The following ARHGEF19 variants were observed in gnomAD, a reference collection of about 807,000 sequenced individuals.
ARHGEF19 encodes the protein Rho guanine nucleotide exchange factor (GEF) 19.
A neutral mutation model predicts 87.6 loss-of-function variants in ARHGEF19; 92 were observed. The observed-to-expected ratio is 1.05, with a 90% CI of 0.89 to 1.25. The LOEUF (loss-of-function observed/expected upper bound fraction) is 1.25, where lower values mean the gene tolerates loss of function less well. Among genes scored for constraint, ARHGEF19 ranks in the 50% most tolerant of loss-of-function variants. ARHGEF19 has a pLI of 0.00. For missense variants in ARHGEF19, 1,054 were observed against 1,051.8 expected (o/e 1.00, Z -0.03); for synonymous variants, 438 against 446.2 (o/e 0.98, Z 0.23).
chr1:16,204,350 G>C lies in ARHGEF19; in HGVS notation c.1907+409C>G, dbSNP rs146070188. On this transcript the variant is annotated intron_variant, in intron 12 of 15. Coordinates refer to ENST00000270747, the MANE Select transcript of ARHGEF19 (RefSeq NM_153213.5). ...TCCATGATCTGAGAGTAACAGAGAA[G>C]CCTATTTCCCAGGGAGGTATTTGGA... 3.9e-5 allele frequency among the ~76,000 whole-genome samples: 6 copies of C among 152,356 alleles called. No individual in the cohort carries two copies. In the South Asian group the frequency reaches 8.3e-4, roughly 21 times the overall value.
Position 16,207,858 on chromosome 1 carries a change from CTCAG to C in ARHGEF19, c.694+82_695-82del, listed in dbSNP as rs1263819116. The C allele has an allele frequency of 1.1e-3, 1,740 of 1,585,972 alleles. 19 individuals are homozygous for C. The African/African-American group carries it at 0.021, about 20-fold the overall frequency. On this transcript the variant is annotated intron_variant, in intron 3 of 15. Transcript: ENST00000270747. This position sits in a 1 kb window ranked among gnomAD's most constrained non-coding sequence, Gnocchi z 4.0. ...GCCCCGGCCCAGGCACCCTGACGGC[CTCAG>C]GCGGCCGGTGAGTGGGCATCGCCCA... is the stretch of plus-strand genomic sequence containing the variant.
intron 1 of ARHGEF19, among the ~76,000 whole-genome samples, chr1:16,210,345 C>A (rs973631363): frequency 6.6e-6 from 1 of 152,170 alleles, no homozygotes; most frequent in Non-Finnish European, 1.5e-5. Flanking sequence ...TGTGGGCAGG[C>A]CGGGCAGCCA....
intron 13 of ARHGEF19, 58 bp from the exon 14 acceptor site, chr1:16,201,919 G>A: frequency 1.3e-6 from 2 of 1,575,870 alleles, no homozygotes; most frequent in Admixed American, 3.5e-5. Context: ...CCCAGGGCAG[G>A]GTGCTGAAAC....
chr1:16,203,101 G>A lies in ARHGEF19; in HGVS notation c.1908-527C>T, dbSNP rs372492568. Among the ~76,000 whole-genome samples the A allele has an allele frequency of 9.2e-5, 14 of 152,194 alleles. No homozygotes were observed. The East Asian group carries it at 1.2e-3, about 13-fold the overall frequency. On this transcript the variant is annotated intron_variant, in intron 12 of 15. Transcript: ENST00000270747. ...ATAAGCCCCACGAAGGCTGAGCCTC[G>A]TCTCTTTGCCACTGTATCTCAGTGT...
chr1:16,201,679 C>CT, intron 14 of ARHGEF19, 103 bp downstream of exon 14: 2 of 1,303,380 alleles, frequency 1.5e-6, no homozygotes. Context: ...AAGTTGGTCT[C>CT]TCTCCCCATA....
Position 16,206,989 on chromosome 1 carries a change from C to G in ARHGEF19, c.1096G>C (p.Val366Leu). The change falls in exon 6 of 16, where the codon GTC (valine) becomes CTC (leucine). Residue 366 changes from valine to leucine, a missense_variant. Coordinates refer to ENST00000270747, the MANE Select transcript of ARHGEF19 (RefSeq NM_153213.5). The surrounding 1 kb of genome is among the most constrained non-coding windows in gnomAD (Gnocchi z 4.6). ...TCCCGCAGGCTCAGCGTGGCCAGGA[C>G]GCCGCTGCCGCGTACGTCGGGGATA... ...QDIPDVRGSG[V>L]LATLSLRDCK... The G allele has an allele frequency of 1.3e-6, 2 of 1,514,536 alleles. No homozygotes were observed. The highest frequency in any genetic ancestry group is 1.8e-6 in the Non-Finnish European group (2 of 1,135,542). The allele number at this position is 1,514,536 out of a possible 1,614,324, so 93.8% of individuals were successfully genotyped here. A position where few individuals can be genotyped will look rare whatever the true frequency, so the allele number is the denominator to read the frequency against.
rs1414201752 is a variant in ARHGEF19 at position 16,206,904 on chromosome 1, T to G, written c.1137+44A>C. The stretch of plus-strand genomic sequence containing the variant: ...CCCGCTAAGTCCCCGGACCGCGTAC[T>G]CCCCGGCCCGCCCCCGCCCCGCCGG... On this transcript the variant is annotated intron_variant, in intron 6 of 15. Coordinates refer to ENST00000270747, the MANE Select transcript of ARHGEF19 (RefSeq NM_153213.5). This position sits in a 1 kb window ranked among gnomAD's most constrained non-coding sequence, Gnocchi z 4.6. 1 of 1,406,744 alleles carries G rather than the reference T, an allele frequency of 7.1e-7. No individual in the cohort carries two copies. The highest frequency in any genetic ancestry group is 3.3e-5 in the Admixed American group (1 of 30,412). The allele number at this position is 1,406,744 out of a possible 1,614,324, so 87.1% of individuals were successfully genotyped here. A position where few individuals can be genotyped will look rare whatever the true frequency, so the allele number is the denominator to read the frequency against.
chr1:16,211,780 G>GA (rs1553144033), intron 1 of ARHGEF19, among the ~76,000 whole-genome samples: 2 of 152,142 alleles, frequency 1.3e-5, no homozygotes, highest in African/African-American at 2.4e-5. Context: ...ATCTCTGTTA[G>GA]AAAAAAACAA....
chr1:16,209,238 C>T (rs1251086406), intron 1 of ARHGEF19, among the ~76,000 whole-genome samples, 155 bp from the exon 2 acceptor site: 1 of 152,234 alleles, frequency 6.6e-6, no homozygotes, highest in African/African-American at 2.4e-5. Flanking sequence ...ATAGCTGATA[C>T]TTGCTTGGCA....
intron 1 of ARHGEF19, among the ~76,000 whole-genome samples, chr1:16,211,567 C>T (rs1557544559): frequency 2.6e-5 from 4 of 151,278 alleles, no homozygotes; most frequent in South Asian, 2.1e-4. Context: ...GAAGGCTTCC[C>T]GGGGAGATGA....
chr1:16,207,057 G>T lies in ARHGEF19; in HGVS notation c.1028C>A (p.Ala343Glu), dbSNP rs760662303. Residue 343 changes from alanine to glutamate, a missense_variant, in exon 6 of 16, where the codon GCG becomes GAG. Coordinates refer to ENST00000270747, the MANE Select transcript of ARHGEF19 (RefSeq NM_153213.5). The surrounding 1 kb of genome is among the most constrained non-coding windows in gnomAD (Gnocchi z 4.0). ...GGTGGAGCCTCGCGCCGAGCGCTGC[G>T]CCCGGAAGGAGCTGCTGGGGGAGAG... ...ANLSPSSSFR[A>E]QRSARGSTFS... 7.3e-6 allele frequency: 11 copies of T among 1,507,012 alleles called. No homozygotes were observed. The highest frequency in any genetic ancestry group is 6.3e-5 in the South Asian group (5 of 79,722). The allele number at this position is 1,507,012 out of a possible 1,614,324, so 93.4% of individuals were successfully genotyped here.
At position 16,208,831 on chromosome 1, in the gene ARHGEF19, C is replaced by T; in HGVS notation, c.224G>A (p.Gly75Glu). Residue 75 changes from glycine to glutamate, a missense_variant, in exon 2 of 16, where the codon GGG (glycine) becomes GAG (glutamate). Transcript: ENST00000270747. Reference sequence around the variant, plus strand: ...TCCTGGGGATAATGGCCATAGCAACCCTTGGAGAGGGGCAGGGGTCCCCAG... The same window carrying T: ...TCCTGGGGATAATGGCCATAGCAACTCTTGGAGAGGGGCAGGGGTCCCCAG... The part of the protein sequence containing the change: ...WSLGTPAPLQ[G>E]LLWPLSPGGS... The T allele has an allele frequency of 6.2e-7, 1 of 1,612,114 alleles. No homozygotes were observed. The highest frequency in any genetic ancestry group is 1.1e-5 in the South Asian group (1 of 90,912).
chr1:16,208,501 C>A, intron 2 of ARHGEF19, 142 bp downstream of exon 2: 3 of 1,178,210 alleles, frequency 2.5e-6, no homozygotes, highest in Non-Finnish European at 3.5e-6. Context: ...CTTCCCTGAG[C>A]CCCACTAGTT....
Position 16,207,578 on chromosome 1 carries a change from G to A in ARHGEF19, c.818C>T (p.Pro273Leu). 2 of 1,613,952 alleles carry A rather than the reference G, an allele frequency of 1.2e-6. No homozygotes were observed. The highest frequency in any genetic ancestry group is 1.7e-6 in the Non-Finnish European group (2 of 1,179,982). Residue 273 changes from proline (P) to leucine (L), a missense_variant, in exon 5 of 16, where the codon CCG (proline) becomes CTG (leucine). By Grantham distance (98) the Pro-to-Leu change is moderately conservative. Coordinates refer to ENST00000270747, the MANE Select transcript of ARHGEF19 (RefSeq NM_153213.5). This position sits in a 1 kb window ranked among gnomAD's most constrained non-coding sequence, Gnocchi z 4.0. ...GTTGGTGCTCCTGGACCCCAAAGGC[G>A]GCTCTTCCTGTGTGTCTAGCCTAGG... ...SEPRLDTQEE[P>L]PLGSRSTNER...
rs748570233 is a variant in ARHGEF19, at chr1:16,199,166, C to A, written c.2235G>T (p.Arg745Ser). 1.9e-6 allele frequency: 3 copies of A among 1,614,050 alleles called. No individual in the cohort carries two copies. The highest frequency in any genetic ancestry group is 2.5e-6 in the Non-Finnish European group (3 of 1,179,938). Residue 745 changes from arginine to serine, a missense_variant, in exon 15 of 16, where the codon AGG becomes AGT. Physicochemically the swap from Arg to Ser is moderately radical, Grantham distance 110 (BLOSUM62 -1). Coordinates refer to ENST00000270747, the MANE Select transcript of ARHGEF19 (RefSeq NM_153213.5). ...CCCCCTCACCGTCACTGGTCCAGGT[C>A]CTCACTGACAGGATGTCAGTCTTCT... is the stretch of plus-strand genomic sequence containing the variant. Reference protein sequence around the residue: ...TLEKTDILSVRTWTSDGWLEG... With the variant: ...TLEKTDILSVSTWTSDGWLEG...
chr1:16,207,279 C>T lies in ARHGEF19; in HGVS notation c.875-69G>A. ...CCCCTGCCCGGCTTTTCCTCGGTTC[C>T]CTCAAGAGCCCGCGTCACTTAACCT... is the stretch of plus-strand genomic sequence containing the variant. On this transcript the variant is annotated intron_variant, in intron 5 of 15. Coordinates refer to ENST00000270747, the MANE Select transcript of ARHGEF19 (RefSeq NM_153213.5). This position sits in a 1 kb window ranked among gnomAD's most constrained non-coding sequence, Gnocchi z 4.0. The T allele has an allele frequency of 1.4e-6, 2 of 1,452,812 alleles. No homozygotes were observed. Among genetic ancestry groups the T allele is most frequent in the Admixed American group, 2.7e-5 (1 of 37,390 alleles). 90.0% of individuals were successfully genotyped at this position (1,452,812 alleles called of 1,614,324 possible).
chr1:16,207,770 T>G lies in ARHGEF19; in HGVS notation c.702A>C (p.Ala234=). 6.2e-7 allele frequency: 1 copy of G among 1,613,896 alleles called. No individual in the cohort carries two copies. ...CTACACTTCGAGCCTCCATTCCAGA[T>G]GCTTTCCCTGGAGAGGGCGAGAACT... ...SGTGAAREGK[A]SGMEARSVEM... Residue 234 remains alanine (A), a synonymous_variant, in exon 4 of 16, where the codon GCA becomes GCC. Transcript: ENST00000270747. The surrounding 1 kb of genome is among the most constrained non-coding windows in gnomAD (Gnocchi z 4.0).
At chr1:16,211,799 C>G (rs1451186098) in intron 1 of ARHGEF19, among the ~76,000 whole-genome samples, 1 of 152,196 alleles carries the variant, frequency 6.6e-6, no homozygotes, top group Non-Finnish European at 1.5e-5. Context: ...AAACAAAAAC[C>G]TCAGAAAGAG....
Position 16,202,584 on chromosome 1 carries a change from C to A in ARHGEF19, c.1908-10G>T. 6.2e-7 allele frequency: 1 copy of A among 1,609,992 alleles called. No homozygotes were observed. The highest frequency in any genetic ancestry group is 8.5e-7 in the Non-Finnish European group (1 of 1,177,088). On this transcript the variant is annotated splice_polypyrimidine_tract_variant and intron_variant, in intron 12 of 15. Coordinates refer to ENST00000270747, the MANE Select transcript of ARHGEF19 (RefSeq NM_153213.5). Reference sequence around the variant, plus strand: ...GGCAAACTTCCCTAGCCTGGAGGACCGGGGGAGGGGAGGTCAGCCTGGCCT... The same window carrying A: ...GGCAAACTTCCCTAGCCTGGAGGACAGGGGGAGGGGAGGTCAGCCTGGCCT...
Sources: gnomAD v4.1 joint callset for allele counts (sites outside exome capture counted in the v4.1 genomes callset) on GRCh38, gnomAD v4.1.1 for gene constraint, Gnocchi (gnomAD v3.1) non-coding constraint, MANE v1.5 for transcripts, NCBI Gene and HGNC (gene_info 2026-07-23, HGNC 2026-07-21) for gene names.